COL9A3: variants seen among roughly 807,000 people sequenced by gnomAD.
COL9A3 encodes the protein collagen alpha-3(IX) chain.
COL9A3 carries 82 observed loss-of-function variants against 110.2 expected under a neutral mutation model. That is an observed-to-expected ratio of 0.74 (90% CI 0.62 to 0.89). COL9A3 has a LOEUF of 0.89. Ranked by LOEUF, COL9A3 falls within the 40% of genes least tolerant of loss-of-function variation. COL9A3 has a pLI of 0.00. For missense variants in COL9A3, 1,066 were observed against 981.3 expected (o/e 1.09, Z -1.15); for synonymous variants, 494 against 403.8 (o/e 1.22, Z -2.68).
chr20:62,838,784 G>C, intron 31 of COL9A3, 23 bp downstream of exon 31: 1 of 1,539,592 alleles, frequency 6.5e-7, no homozygotes, highest in Non-Finnish European at 8.8e-7. Context: ...GGCCAGCAAG[G>C]CTTCACTGGG....
rs778374112 is a variant in COL9A3 at position 62,835,870 on chromosome 20, C to T, written c.1369-51C>T. On this transcript the variant is annotated intron_variant, in intron 26 of 31. Coordinates refer to ENST00000649368, the MANE Select transcript of COL9A3 (RefSeq NM_001853.4). ...ATTTTATCCTCAACTGGCTACTTCC[C>T]ACCCACCCAACAATACACTTAGTTC... is the stretch of plus-strand genomic sequence containing the variant. 6.2e-6 allele frequency: 10 copies of T among 1,603,172 alleles called. No homozygotes were observed. The South Asian group carries it at 1.1e-4, about 18-fold the overall frequency.
In COL9A3 at chr20:62,817,593, C is replaced by A. The variant is rs1230802919; in HGVS notation, c.105C>A (p.Gly35=). The part of the protein sequence containing the change: ...AQRVGLPGPP[G]PPGPPGKPGQ... ...GAGTGGGACTCCCCGGCCCCCCCGG[C>A]CCCCCAGGGCCGCCCGGGAAGCCCG... The change falls in exon 2 of 32, where the codon GGC becomes GGA. Residue 35 remains glycine, a synonymous_variant. Coordinates refer to ENST00000649368, the MANE Select transcript of COL9A3 (RefSeq NM_001853.4). 3 of 1,545,138 alleles carry A rather than the reference C, an allele frequency of 1.9e-6. No individual in the cohort carries two copies. Among genetic ancestry groups the A allele is most frequent in the Non-Finnish European group, 2.6e-6 (3 of 1,143,764 alleles).
rs1476781963 is a variant in COL9A3, at chr20:62,828,587, A to G, written c.901-177A>G. On this transcript the variant is annotated intron_variant, in intron 17 of 31. Coordinates refer to ENST00000649368, the MANE Select transcript of COL9A3 (RefSeq NM_001853.4). ...ACCCGCACCCCTCACCTGTGCGGTC[A>G]CCGAGGCAGCACTGGTTGCCACACG... Among the ~76,000 whole-genome samples the G allele has an allele frequency of 2.0e-5, 3 of 152,248 alleles. No individual in the cohort carries two copies. In the East Asian group the frequency reaches 5.8e-4, roughly 29 times the overall value.
In COL9A3 at chr20:62,827,256, A is replaced by G. The variant is rs767303024; in HGVS notation, c.808A>G (p.Arg270Gly). ...APGKAGDRGE[R>G]GPEGFRGPKG... Reference sequence around the variant, plus strand: ...TCCTTTCCAGGGTGACCGAGGCGAGAGGGGCCCAGAAGGGTTCCGCGGCCC... The same window carrying G: ...TCCTTTCCAGGGTGACCGAGGCGAGGGGGGCCCAGAAGGGTTCCGCGGCCC... The change falls in exon 16 of 32, where the codon AGG (arginine) becomes GGG (glycine). Residue 270 changes from arginine (R) to glycine (G), a missense_variant. Physicochemically the swap from Arg to Gly is moderately radical, Grantham distance 125 (BLOSUM62 -2). Coordinates refer to ENST00000649368, the MANE Select transcript of COL9A3 (RefSeq NM_001853.4). The G allele has an allele frequency of 2.5e-6, 4 of 1,613,112 alleles. No homozygotes were observed. In the South Asian group the frequency reaches 4.4e-5, roughly 18 times the overall value.
chr20:62,830,652 A>ACCCCCCACCACAGTC (rs372487010), intron 24 of COL9A3, 64 bp downstream of exon 24: 1 of 422,848 alleles, frequency 2.4e-6, no homozygotes, highest in African/African-American at 7.9e-5. Context: ...ACAGTCCCCC[A>ACCCCCCACCACAGTC]CCCCCATGAC....
chr20:62,828,065 A>C, intron 17 of COL9A3, 89 bp downstream of exon 17: 20 of 1,348,420 alleles, frequency 1.5e-5, no homozygotes, highest in Non-Finnish European at 1.9e-5. Context: ...GCTGGAGCTC[A>C]GTGCCCTCTG....
chr20:62,822,773 C>A, intron 10 of COL9A3, 141 bp downstream of exon 10: 2 of 857,688 alleles, frequency 2.3e-6, no homozygotes, highest in Non-Finnish European at 1.9e-6. Flanking sequence ...TCAGAGCAGA[C>A]AGCTCGGGCA....
At chr20:62,829,198 CAT>C (rs749860255) in intron 19 of COL9A3, among the ~76,000 whole-genome samples, 1 of 152,210 alleles carries the variant, frequency 6.6e-6, no homozygotes, top group Non-Finnish European at 1.5e-5. Flanking sequence ...GTACATGGGA[CAT>C]GTGTGAACAT....
chr20:62,830,670 C>CCCCCCCCACCCCAGTCCCCA (rs2063589237), intron 24 of COL9A3, 82 bp downstream of exon 24: 1 of 727,048 alleles, frequency 1.4e-6, no homozygotes, highest in Non-Finnish European at 2.1e-6. Context: ...GACAGTCCCC[C>CCCCCCCCACCCCAGTCCCCA]AACCCCCACC....
chr20:62,816,944 G>A (rs1257515086), upstream of COL9A3: 2 of 508,788 alleles, frequency 3.9e-6, no homozygotes, highest in Non-Finnish European at 2.8e-6. Context: ...GGTGGGCCCG[G>A]CTGAATGGGG....
At chr20:62,828,431 C>T (rs1051201798) in intron 17 of COL9A3, among the ~76,000 whole-genome samples, 5 of 152,262 alleles carry the variant, frequency 3.3e-5, no homozygotes, top group Non-Finnish European at 7.3e-5. Context: ...GTGGACGAGG[C>T]AGGCCTGGCC....
chr20:62,831,118 GAC>G (rs1449606182), intron 24 of COL9A3: 3 of 152,314 alleles, frequency 2.0e-5, no homozygotes, highest in African/African-American at 7.2e-5. Context: ...AGGCGCGGTT[GAC>G]AGAGGATCAC....
In COL9A3 at chr20:62,840,569, A is replaced by AGGAC. The variant is rs1273827940; in HGVS notation, c.1895_1898dup (p.Gln634ArgfsTer120). 1 of 1,612,550 alleles carries AGGAC rather than the reference A, an allele frequency of 6.2e-7. No individual in the cohort carries two copies. Among genetic ancestry groups the AGGAC allele is most frequent in the Non-Finnish European group, 8.5e-7 (1 of 1,179,854 alleles). ...CCCCAAGGCGTGCCCGGCACCAGCA[A>AGGAC]GGACGGCCAGGACGGTGCTCCCGGC... On this transcript the variant is annotated frameshift_variant, in exon 32 of 32. Transcript: ENST00000649368. LOFTEE classifies it high-confidence loss of function.
chr20:62,837,294 C>G lies in COL9A3; in HGVS notation c.1786+29C>G, dbSNP rs368189788. On this transcript the variant is annotated intron_variant, in intron 30 of 31. Coordinates refer to ENST00000649368, the MANE Select transcript of COL9A3 (RefSeq NM_001853.4). ...AGTGTTTGACCCCATGACACGGTCA[C>G]CCTGCTGTAAAAATCCCTGAGACTG... 176 of 1,601,366 alleles carry G rather than the reference C, an allele frequency of 1.1e-4. No homozygotes were observed. The African/African-American group carries it at 2.3e-3, about 21-fold the overall frequency.
intron 4 of COL9A3, 84 bp downstream of exon 4, chr20:62,819,377 G>C: frequency 1.5e-6 from 2 of 1,329,220 alleles, no homozygotes; most frequent in Non-Finnish European, 2.1e-6. Flanking sequence ...CTGTTGTCCA[G>C]CTGGGCCTGC....
chr20:62,828,836 G>A lies in COL9A3; in HGVS notation c.954+19G>A, dbSNP rs766833179. 1.7e-5 allele frequency: 27 copies of A among 1,612,892 alleles called. No homozygotes were observed. The highest frequency in any genetic ancestry group is 2.2e-5 in the Non-Finnish European group (26 of 1,179,988). On this transcript the variant is annotated intron_variant, in intron 18 of 31. Transcript: ENST00000649368. ...CCAGAAGGTTGGCATGGGGCTCAGGGTGTGACGGGAGGGAGGGGGCTGGAG... is the reference window on the plus strand; with the variant it reads ...CCAGAAGGTTGGCATGGGGCTCAGGATGTGACGGGAGGGAGGGGGCTGGAG...
intron 26 of COL9A3, among the ~76,000 whole-genome samples, chr20:62,835,404 G>A (rs1376848553): frequency 6.6e-6 from 1 of 152,248 alleles, no homozygotes; most frequent in Non-Finnish European, 1.5e-5. Context: ...GGAACCCACT[G>A]CGGAGACAAC....
In COL9A3 at chr20:62,822,691, G is replaced by A. The variant is rs1300572678; in HGVS notation, c.519+59G>A. The stretch of plus-strand genomic sequence containing the variant: ...GGGGGTGCCTACCTTGGGGGGAGGG[G>A]TTCTGGCCTGGAGAGGGGCTTGTCC... On this transcript the variant is annotated intron_variant, in intron 10 of 31. Transcript: ENST00000649368. 1.9e-6 allele frequency: 3 copies of A among 1,568,858 alleles called. No individual in the cohort carries two copies. In the African/African-American group the frequency reaches 4.0e-5, roughly 21 times the overall value.
chr20:62,838,624 G>A lies in COL9A3; in HGVS notation c.1787-60G>A, dbSNP rs138757611. Reference sequence around the variant, plus strand: ...TTGTTACAAAGGTTGATCAGACACCGCTGTGGTGTGGCTGCAACAGATACT... The same window carrying A: ...TTGTTACAAAGGTTGATCAGACACCACTGTGGTGTGGCTGCAACAGATACT... On this transcript the variant is annotated intron_variant, in intron 30 of 31. Coordinates refer to ENST00000649368, the MANE Select transcript of COL9A3 (RefSeq NM_001853.4). 7,678 of 1,420,376 alleles carry A rather than the reference G, an allele frequency of 5.4e-3. 45 individuals carry two copies. The highest frequency in any genetic ancestry group is 0.01 in the African/African-American group (736 of 70,698). The allele number at this position is 1,420,376 out of a possible 1,614,324, so 88.0% of individuals were successfully genotyped here. A position where few individuals can be genotyped will look rare whatever the true frequency, so the allele number is the denominator to read the frequency against.
Sources: gnomAD v4.1 joint callset for allele counts (sites outside exome capture counted in the v4.1 genomes callset) on GRCh38, gnomAD v4.1.1 for gene constraint, MANE v1.5 for transcripts, NCBI Gene and HGNC (gene_info 2026-07-23, HGNC 2026-07-21) for gene names.